Variants in CREB1 observed in about 807,000 individuals in gnomAD.
The protein encoded by CREB1 is cyclic AMP-responsive element-binding protein 1.
A neutral mutation model predicts 42.0 loss-of-function variants in CREB1; 2 were observed. The ratio of observed to expected loss-of-function variants is 0.05; its 90% CI spans 0.02 to 0.15. The LOEUF (loss-of-function observed/expected upper bound fraction) is 0.15, where lower values mean the gene tolerates loss of function less well. Ranked by LOEUF, CREB1 falls within the 10% of genes least tolerant of loss-of-function variation. CREB1 has a pLI of 1.00. For synonymous variants in CREB1, 123 were observed against 139.9 expected, an observed-to-expected ratio of 0.88 and a Z score of 0.85; for missense variants, 199 against 388.9, an observed-to-expected ratio of 0.51 and a Z score of 4.11.
At chr2:207,564,203 C>G (rs2082055938) in intron 3 of CREB1, among the ~76,000 whole-genome samples, 1 of 152,064 alleles carries the variant, frequency 6.6e-6, no homozygotes, top group Non-Finnish European at 1.5e-5. Context: ...TCTAGACTTT[C>G]AGTAAGCTTC....
chr2:207,550,107 G>T (rs547989264), intron 1 of CREB1, among the ~76,000 whole-genome samples: 7 of 152,308 alleles, frequency 4.6e-5, no homozygotes, highest in African/African-American at 7.2e-5. Context: ...TATTTATGCA[G>T]AGTATTTTTA....
At chr2:207,586,791 A>G (rs1465062666) in intron 7 of CREB1, among the ~76,000 whole-genome samples, 1 of 152,258 alleles carries the variant, frequency 6.6e-6, no homozygotes, top group African/African-American at 2.4e-5. Flanking sequence ...GCCAAGAAAT[A>G]TATTTGAAAA....
At chr2:207,550,649 C>T (rs1354701166) in intron 1 of CREB1, 1 of 152,088 alleles carries the variant, frequency 6.6e-6, no homozygotes, top group Non-Finnish European at 1.5e-5. Context: ...GTAATATGCG[C>T]TTGCTTTCTA....
chr2:207,570,264 G>T lies in CREB1; in HGVS notation c.448G>T (p.Ala150Ser), dbSNP rs899292076. Reference protein sequence around the residue: ...EKSEEETSAPAITTVTVPTPI... With the variant: ...EKSEEETSAPSITTVTVPTPI... Reference sequence around the variant, plus strand: ...GTCTGAAGAGGAGACTTCAGCACCTGCCATCACCACTGTAACGGTGCCAAC... The same window carrying T: ...GTCTGAAGAGGAGACTTCAGCACCTTCCATCACCACTGTAACGGTGCCAAC... Residue 150 changes from alanine to serine, a missense_variant, in exon 5 of 8, where the codon GCC (alanine) becomes TCC (serine). By Grantham distance (99) the Ala-to-Ser change is moderately conservative (BLOSUM62 1). Around this residue, in one of 4 missense-constraint regions of CREB1, gnomAD observed 66 missense variants for 150.8 expected, o/e 0.44. Transcript: ENST00000353267. 3 of 1,613,672 alleles carry T rather than the reference G, an allele frequency of 1.9e-6. No homozygotes were observed. The highest frequency in any genetic ancestry group is 2.7e-5 in the African/African-American group (2 of 74,914).
At chr2:207,594,493 T>C (rs991083139) in intron 7 of CREB1, among the ~76,000 whole-genome samples, 5 of 152,232 alleles carry the variant, frequency 3.3e-5, no homozygotes, top group Non-Finnish European at 7.3e-5. Context: ...TTTTTGAGAC[T>C]AGCTTGTGTC....
chr2:207,577,755 T>C (rs2082650949), intron 7 of CREB1, 100 bp downstream of exon 7: 1 of 1,456,990 alleles, frequency 6.9e-7, no homozygotes, highest in East Asian at 2.4e-5. Context: ...GATCTTTGCA[T>C]TGAATTTTTT....
intron 1 of CREB1, among the ~76,000 whole-genome samples, chr2:207,536,721 G>C (rs1441039948): frequency 1.3e-5 from 2 of 151,882 alleles, no homozygotes; most frequent in Admixed American, 1.3e-4. Flanking sequence ...CAGGCGTGGT[G>C]GCTCACGTCT....
At chr2:207,572,189 GCACTCCAGC>G (rs2082392026) in intron 5 of CREB1, among the ~76,000 whole-genome samples, 3 of 144,404 alleles carry the variant, frequency 2.1e-5, no homozygotes, top group Non-Finnish European at 4.5e-5. Flanking sequence ...TCACACCACT[GCACTCCAGC>G]CTGGGTGGCA....
rs981164724 is a variant in CREB1 at position 207,604,155 on chromosome 2, G to A, written c.*7097G>A. On this transcript the variant is annotated 3_prime_UTR_variant, in exon 8 of 8. Transcript: ENST00000353267. ...GTCACCCTGCCACGTTCAGGTGCTT[G>A]GACCTTCAGGAAAAGATTGCCCATC... Among the ~76,000 whole-genome samples, 1 of 152,186 alleles carries A rather than the reference G, an allele frequency of 6.6e-6. No individual in the cohort carries two copies. The highest frequency in any genetic ancestry group is 2.4e-5 in the African/African-American group (1 of 41,444).
At chr2:207,544,891 G>A (rs549747509) in intron 1 of CREB1, among the ~76,000 whole-genome samples, 100 of 152,290 alleles carry the variant, frequency 6.6e-4, no homozygotes, top group Non-Finnish European at 1.2e-3. Flanking sequence ...TTCATGCAAA[G>A]GACATGATCT....
intron 1 of CREB1, among the ~76,000 whole-genome samples, chr2:207,544,365 C>T (rs1181298021): frequency 6.6e-6 from 1 of 151,916 alleles, no homozygotes; most frequent in Admixed American, 6.6e-5. Flanking sequence ...TCTTTTTTTC[C>T]ACAGTTCATT....
chr2:207,603,150 A>G lies in CREB1; in HGVS notation c.*6092A>G, dbSNP rs1441591369. On this transcript the variant is annotated 3_prime_UTR_variant, in exon 8 of 8. Transcript: ENST00000353267. The stretch of plus-strand genomic sequence containing the variant: ...TAATAAAATTCCCTACATTCTAGAA[A>G]CATCCCTGTTTTAATTTTTTTATCT... 1 of 211,412 alleles carries G rather than the reference A, an allele frequency of 4.7e-6. No individual in the cohort carries two copies. The highest frequency in any genetic ancestry group is 2.3e-5 in the African/African-American group (1 of 44,270). 13.1% of individuals were successfully genotyped at this position (211,412 alleles called of 1,614,324 possible). A position where few individuals can be genotyped will look rare whatever the true frequency, so the allele number is the denominator to read the frequency against.
intron 3 of CREB1, chr2:207,560,999 C>A: frequency 1.2e-6 from 1 of 840,900 alleles, no homozygotes; most frequent in Non-Finnish European, 2.0e-6. Context: ...CTCTGTTTAA[C>A]TGTAGGGAAC....
chr2:207,547,427 A>G (rs2081339895), intron 1 of CREB1, among the ~76,000 whole-genome samples: 1 of 152,248 alleles, frequency 6.6e-6, no homozygotes, highest in Admixed American at 6.5e-5. Context: ...AGACAGCTTC[A>G]TTCTTTAGTC....
chr2:207,560,491 A>G (rs1214211992), intron 3 of CREB1, 119 bp downstream of exon 3: 19 of 935,290 alleles, frequency 2.0e-5, no homozygotes, highest in Non-Finnish European at 2.8e-5. Context: ...TATTCACAGT[A>G]TAGGAATATG....
chr2:207,565,334 C>A (rs1280018106), intron 3 of CREB1, among the ~76,000 whole-genome samples: 1 of 152,140 alleles, frequency 6.6e-6, no homozygotes, highest in South Asian at 2.1e-4. Context: ...TCATGGCTTA[C>A]TTCTCTTCAG....
intron 2 of CREB1, 123 bp downstream of exon 2, chr2:207,555,872 A>G: frequency 1.7e-6 from 1 of 599,390 alleles, no homozygotes; most frequent in Non-Finnish European, 3.0e-6. Context: ...ACAATATCAA[A>G]ATTCCTATTT....
chr2:207,537,139 C>G (rs2080907060), intron 1 of CREB1, among the ~76,000 whole-genome samples: 1 of 152,078 alleles, frequency 6.6e-6, no homozygotes, highest in Admixed American at 6.5e-5. Flanking sequence ...ACTGCAACCT[C>G]CGCCTCCTGG....
chr2:207,565,196 A>G (rs1179264191), intron 3 of CREB1, among the ~76,000 whole-genome samples: 1 of 152,144 alleles, frequency 6.6e-6, no homozygotes, highest in Admixed American at 6.5e-5. Flanking sequence ...TGATGACCCT[A>G]CATTAACACA....
Sources: allele counts gnomAD v4.1 joint callset (sites outside exome capture counted in the v4.1 genomes callset), GRCh38; gene constraint gnomAD v4.1.1; regional missense constraint gnomAD v4.1.1; transcripts MANE v1.5; gene names NCBI Gene and HGNC (gene_info 2026-07-23, HGNC 2026-07-21).